The following LSAMP variants were observed in gnomAD, a reference collection of about 807,000 sequenced individuals.
The protein encoded by LSAMP is limbic system-associated membrane protein.
A neutral mutation model predicts 38.6 loss-of-function variants in LSAMP; 7 were observed. The ratio of observed to expected loss-of-function variants is 0.18; its 90% confidence interval spans 0.10 to 0.34. The LOEUF (loss-of-function observed/expected upper bound fraction) is 0.34, where lower values mean the gene tolerates loss of function less well. Among genes scored for constraint, LSAMP ranks in the 10% least tolerant of loss-of-function variants. The pLI, the probability that LSAMP is intolerant of heterozygous loss-of-function variation, is 1.00. For missense variants in LSAMP, 313 were observed against 420.0 expected, an observed-to-expected ratio of 0.75 and a Z score of 2.23; for synonymous variants, 154 against 166.8, an observed-to-expected ratio of 0.92 and a Z score of 0.59.
rs73149192 is a variant in LSAMP at position 116,357,998 on chromosome 3, C to T, written c.155+86879G>A. Among the ~76,000 whole-genome samples, 673 of 151,622 alleles carry T rather than the reference C, an allele frequency of 4.4e-3. 3 individuals are homozygous for T. Among genetic ancestry groups the T allele is most frequent in the East Asian group, 0.023 (116 of 5,146 alleles). ...ACTTTAGGAAACTTGGAGGCAGAAA[C>T]TCATGAAGAATCTCTTTGGGTTTCC... On this transcript the variant is annotated intron_variant, in intron 1 of 6. Coordinates refer to ENST00000490035, the MANE Select transcript of LSAMP (RefSeq NM_002338.5).
At chr3:116,409,266 GCA>G (rs2048940468) in intron 1 of LSAMP, among the ~76,000 whole-genome samples, 1 of 151,966 alleles carries the variant, frequency 6.6e-6, no homozygotes, top group Non-Finnish European at 1.5e-5. Flanking sequence ...CCCAAATTTG[GCA>G]CAGAGATGCT....
intron 3 of LSAMP, among the ~76,000 whole-genome samples, chr3:115,894,866 T>C (rs1936689546): frequency 6.6e-6 from 1 of 152,064 alleles, no homozygotes; most frequent in Non-Finnish European, 1.5e-5. Context: ...ATCTCTCCTT[T>C]ATTTAAATTT....
intron 1 of LSAMP, among the ~76,000 whole-genome samples, chr3:116,155,654 T>A (rs1374469690): frequency 1.3e-5 from 2 of 152,054 alleles, no homozygotes; most frequent in Non-Finnish European, 2.9e-5. Context: ...TGTGTGTGTG[T>A]GTCTGTGTCT....
At chr3:115,856,522 G>A (rs1238665926) in intron 3 of LSAMP, among the ~76,000 whole-genome samples, 1 of 152,076 alleles carries the variant, frequency 6.6e-6, no homozygotes, top group Non-Finnish European at 1.5e-5. Flanking sequence ...GGGAGGCTGA[G>A]GCAGCAGAAT....
chr3:116,084,911 C>A (rs1307627474), intron 2 of LSAMP, among the ~76,000 whole-genome samples: 1 of 151,426 alleles, frequency 6.6e-6, no homozygotes, highest in Non-Finnish European at 1.5e-5. Flanking sequence ...GTTATCTCTC[C>A]TCCTTCTGCC....
chr3:115,986,891 T>A, intron 3 of LSAMP, among the ~76,000 whole-genome samples: 1 of 152,182 alleles, frequency 6.6e-6, no homozygotes, highest in East Asian at 1.9e-4. Flanking sequence ...CTTCTATCAT[T>A]TTATATTAGG....
intron 1 of LSAMP, among the ~76,000 whole-genome samples, chr3:116,390,168 T>C (rs1308711615): frequency 1.4e-5 from 2 of 147,024 alleles, no homozygotes. Flanking sequence ...CACACACATT[T>C]AGTTACATTC....
chr3:116,381,729 A>G (rs375887435), intron 1 of LSAMP, among the ~76,000 whole-genome samples: 1 of 152,086 alleles, frequency 6.6e-6, no homozygotes, highest in Non-Finnish European at 1.5e-5. Flanking sequence ...CACAAAATGA[A>G]TCTTACTTTC....
At chr3:115,887,658 C>T (rs1253657301) in intron 3 of LSAMP, among the ~76,000 whole-genome samples, 3 of 151,854 alleles carry the variant, frequency 2.0e-5, no homozygotes, top group Non-Finnish European at 4.4e-5. Context: ...TTTTTCAGAG[C>T]CACAGGCAGA....
intron 1 of LSAMP, among the ~76,000 whole-genome samples, chr3:116,312,043 C>G (rs1011264466): frequency 5.9e-5 from 9 of 152,112 alleles, no homozygotes; most frequent in Non-Finnish European, 1.0e-4. Context: ...GCAATAGATA[C>G]AATCCATTGA....
intron 1 of LSAMP, among the ~76,000 whole-genome samples, chr3:116,211,488 GATAA>G (rs998351197): frequency 1.8e-4 from 27 of 152,266 alleles, no homozygotes; most frequent in African/African-American, 6.0e-4. Flanking sequence ...TTAAAAAATT[GATAA>G]ATAATAAAGC....
chr3:116,217,623 G>T (rs867722354), intron 1 of LSAMP, among the ~76,000 whole-genome samples: 12 of 152,106 alleles, frequency 7.9e-5, no homozygotes, highest in Admixed American at 1.3e-4. Flanking sequence ...GTTCCCATGT[G>T]CCAATTACTG....
At chr3:115,949,421 T>A (rs1218512152) in intron 3 of LSAMP, among the ~76,000 whole-genome samples, 4 of 152,054 alleles carry the variant, frequency 2.6e-5, no homozygotes, top group Non-Finnish European at 5.9e-5. Context: ...TTTAGATTTA[T>A]ACAAAAGGTC....
chr3:115,968,373 A>T (rs1938896244), intron 3 of LSAMP, among the ~76,000 whole-genome samples: 1 of 152,070 alleles, frequency 6.6e-6, no homozygotes, highest in Non-Finnish European at 1.5e-5. Flanking sequence ...ATTGCTGCTG[A>T]TTATTGAGGG....
rs541698475 is a variant in LSAMP, at chr3:115,953,442, C to A, written c.514+66073G>T. Among the ~76,000 whole-genome samples, 142 of 139,714 alleles carry A rather than the reference C, an allele frequency of 1.0e-3. 1 individual carries two copies. Among genetic ancestry groups the A allele is most frequent in the African/African-American group, 3.6e-3 (135 of 37,720 alleles). The allele number at this position is 139,714 out of a possible 152,430, so 91.7% of individuals were successfully genotyped here. ...ACACACACACACACACACACACACACAATGTCTAAAATACACCAAATATAA... is the reference window on the plus strand; with the variant it reads ...ACACACACACACACACACACACACAAAATGTCTAAAATACACCAAATATAA... On this transcript the variant is annotated intron_variant, in intron 3 of 6. Coordinates refer to ENST00000490035, the MANE Select transcript of LSAMP (RefSeq NM_002338.5).
At chr3:115,958,193 G>A (rs569554677) in intron 3 of LSAMP, among the ~76,000 whole-genome samples, 8 of 152,232 alleles carry the variant, frequency 5.3e-5, no homozygotes, top group African/African-American at 9.6e-5. Flanking sequence ...TGCCTATTTT[G>A]ATGCCCTTTT....
At chr3:116,349,761 T>C (rs1333131686) in intron 1 of LSAMP, among the ~76,000 whole-genome samples, 1 of 152,000 alleles carries the variant, frequency 6.6e-6, no homozygotes, top group Non-Finnish European at 1.5e-5. Flanking sequence ...GCCTGGGATT[T>C]CCAATGAGGC....
intron 1 of LSAMP, among the ~76,000 whole-genome samples, chr3:116,196,060 T>G (rs1249968443): frequency 1.3e-5 from 2 of 152,212 alleles, no homozygotes; most frequent in Non-Finnish European, 2.9e-5. Flanking sequence ...GTAAACACTT[T>G]TTTTGCATAG....
At chr3:115,838,577 A>T (rs1934873751) in intron 6 of LSAMP, among the ~76,000 whole-genome samples, 1 of 152,220 alleles carries the variant, frequency 6.6e-6, no homozygotes, top group Non-Finnish European at 1.5e-5. Context: ...TAGCCCAAGG[A>T]TGAAGAAAAA....
Sources: gnomAD v4.1 joint callset for allele counts (sites outside exome capture counted in the v4.1 genomes callset) on GRCh38, gnomAD v4.1.1 for gene constraint, MANE v1.5 for transcripts, NCBI Gene and HGNC (gene_info 2026-07-23, HGNC 2026-07-21) for gene names.